Variants in DOCK4 observed in about 807,000 individuals in gnomAD.
The protein encoded by DOCK4 is dedicator of cytokinesis protein 4.
Under a neutral mutation model 268.1 loss-of-function variants are expected in DOCK4, and 97 were observed. The observed-to-expected ratio is 0.36, with a 90% CI of 0.31 to 0.43. DOCK4 has a LOEUF of 0.43. Among genes scored for constraint, DOCK4 ranks in the 20% least tolerant of loss-of-function variants. The pLI is 1.00. For missense variants in DOCK4, 2,145 were observed against 2,455.7 expected (o/e 0.87, Z 2.67); for synonymous variants, 954 against 887.2 (o/e 1.08, Z -1.34).
intron 1 of DOCK4, among the ~76,000 whole-genome samples, chr7:112,067,532 C>G (rs1807188675): frequency 6.6e-6 from 1 of 152,042 alleles, no homozygotes; most frequent in Non-Finnish European, 1.5e-5. Flanking sequence ...AAGTATTTTA[C>G]ATTCTCATTG....
chr7:112,100,846 T>TAC (rs141853509), intron 1 of DOCK4, among the ~76,000 whole-genome samples: 8 of 151,694 alleles, frequency 5.3e-5, no homozygotes, highest in East Asian at 3.9e-4. Context: ...GAGATACAGA[T>TAC]ACACACACAC....
chr7:111,989,620 T>C (rs1002073549), intron 5 of DOCK4, among the ~76,000 whole-genome samples: 1 of 152,240 alleles, frequency 6.6e-6, no homozygotes, highest in African/African-American at 2.4e-5. Context: ...TTGGTCTCAA[T>C]ACTTTATTGG....
intron 28 of DOCK4, among the ~76,000 whole-genome samples, chr7:111,810,650 G>A (rs1290694664): frequency 1.3e-5 from 2 of 152,076 alleles, no homozygotes; most frequent in African/African-American, 4.8e-5. Flanking sequence ...GCAATCAAAT[G>A]TAATTGGTAC....
intron 1 of DOCK4, among the ~76,000 whole-genome samples, chr7:112,051,909 T>C (rs2135554877): frequency 6.6e-6 from 1 of 152,302 alleles, no homozygotes; most frequent in East Asian, 1.9e-4. Flanking sequence ...CTATCGATAT[T>C]TATAGATTTA....
At chr7:112,056,288 C>T (rs1805810305) in intron 1 of DOCK4, among the ~76,000 whole-genome samples, 1 of 152,012 alleles carries the variant, frequency 6.6e-6, no homozygotes, top group African/African-American at 2.4e-5. Flanking sequence ...GAGTTAGGTC[C>T]ACAAGAAGAG....
At chr7:111,833,706 A>G (rs1399035727) in intron 26 of DOCK4, among the ~76,000 whole-genome samples, 3 of 152,196 alleles carry the variant, frequency 2.0e-5, no homozygotes, top group South Asian at 4.1e-4. Flanking sequence ...TTCTGAGATC[A>G]TACAATATTT....
chr7:111,755,764 T>C (rs1211176405), intron 41 of DOCK4, among the ~76,000 whole-genome samples, 163 bp from the exon 42 acceptor site: 1 of 152,388 alleles, frequency 6.6e-6, no homozygotes, highest in East Asian at 1.9e-4. Flanking sequence ...GAGAGATTGC[T>C]GAAGCTGATT....
chr7:111,976,485 C>T (rs1036328007), intron 8 of DOCK4: 2 of 150,514 alleles, frequency 1.3e-5, no homozygotes, highest in Non-Finnish European at 3.0e-5. Context: ...AACTTTAAAA[C>T]AAATATTAAA....
intron 1 of DOCK4, among the ~76,000 whole-genome samples, chr7:112,173,030 T>C (rs1049136214): frequency 3.9e-5 from 6 of 152,228 alleles, no homozygotes; most frequent in African/African-American, 1.4e-4. Context: ...ACTACCAGTC[T>C]GTTCACACAG....
chr7:111,855,922 T>G (rs918962822), intron 23 of DOCK4, among the ~76,000 whole-genome samples: 2 of 152,238 alleles, frequency 1.3e-5, no homozygotes, highest in African/African-American at 4.8e-5. Context: ...TGAGTTCTAC[T>G]GGATATTACA....
chr7:112,171,974 G>A (rs1368740635), intron 1 of DOCK4, among the ~76,000 whole-genome samples: 1 of 152,110 alleles, frequency 6.6e-6, no homozygotes, highest in Admixed American at 6.5e-5. Flanking sequence ...CGCATCCCTG[G>A]TGTCTCCTTG....
chr7:111,955,883 C>A (rs571461458), intron 8 of DOCK4, among the ~76,000 whole-genome samples: 1 of 152,102 alleles, frequency 6.6e-6, no homozygotes, highest in Non-Finnish European at 1.5e-5. Context: ...TCTTGAAGTT[C>A]GTTTCAAGTA....
chr7:111,870,243 A>G (rs1806300324), intron 20 of DOCK4, among the ~76,000 whole-genome samples: 1 of 152,090 alleles, frequency 6.6e-6, no homozygotes, highest in Non-Finnish European at 1.5e-5. Context: ...TGTAAAAACA[A>G]CAGCCCACAA....
At chr7:111,760,501 A>ATGAG (rs1237776849) in intron 39 of DOCK4, among the ~76,000 whole-genome samples, 179 bp from the exon 40 acceptor site, 1 of 152,194 alleles carries the variant, frequency 6.6e-6, no homozygotes, top group Admixed American at 6.5e-5. Context: ...GATAAAGATC[A>ATGAG]TGAGTTCACT....
intron 1 of DOCK4, among the ~76,000 whole-genome samples, chr7:112,124,258 C>T (rs1452854280): frequency 6.6e-6 from 1 of 152,140 alleles, no homozygotes; most frequent in African/African-American, 2.4e-5. Context: ...TGGTCTCAAG[C>T]GATCCTCCTG....
At chr7:112,011,626 C>T (rs899102637) in intron 1 of DOCK4, among the ~76,000 whole-genome samples, 4 of 150,860 alleles carry the variant, frequency 2.7e-5, no homozygotes, top group Non-Finnish European at 5.9e-5. Flanking sequence ...GACATTGTCA[C>T]GGTGGCAATA....
intron 4 of DOCK4, among the ~76,000 whole-genome samples, chr7:111,995,225 G>A (rs905803538): frequency 1.3e-5 from 2 of 151,874 alleles, no homozygotes; most frequent in Non-Finnish European, 2.9e-5. Flanking sequence ...TAGAGACAGG[G>A]TTTTACCGTG....
intron 1 of DOCK4, among the ~76,000 whole-genome samples, chr7:112,191,995 T>C (rs1479731966): frequency 6.8e-6 from 1 of 146,910 alleles, no homozygotes; most frequent in Non-Finnish European, 1.5e-5. Flanking sequence ...ACTTAAATAT[T>C]ATATATTATA....
At chr7:111,895,495 A>C in intron 16 of DOCK4, 117 bp downstream of exon 16, 1 of 880,314 alleles carries the variant, frequency 1.1e-6, no homozygotes, top group Non-Finnish European at 1.9e-6. Flanking sequence ...CCCTGACAGC[A>C]ATCTTACAAG....
Sources: gnomAD v4.1 joint callset for allele counts (sites outside exome capture counted in the v4.1 genomes callset) on GRCh38, gnomAD v4.1.1 for gene constraint, MANE v1.5 for transcripts, NCBI Gene and HGNC (gene_info 2026-07-23, HGNC 2026-07-21) for gene names.